The following NTM variants were observed in gnomAD, a reference collection of about 807,000 sequenced individuals.
NTM encodes the protein neurotrimin, also known as IgLON family member 2.
In NTM, 13 loss-of-function variants were observed where a neutral mutation model predicts 42.1. The ratio of observed to expected loss-of-function variants is 0.31; its 90% CI spans 0.20 to 0.49. The LOEUF is 0.49. Ranked by LOEUF, NTM falls within the 20% of genes least tolerant of loss-of-function variation. The pLI is 0.99. For missense variants in NTM, 373 were observed against 452.8 expected, an observed-to-expected ratio of 0.82 and a Z score of 1.60; for synonymous variants, 187 against 179.2, an observed-to-expected ratio of 1.04 and a Z score of -0.35.
At chr11:131,466,562 T>A (rs57362044) in intron 1 of NTM, among the ~76,000 whole-genome samples, 6,578 of 152,250 alleles carry the variant, frequency 0.043, 457 homozygotes, top group African/African-American at 0.15. Flanking sequence ...CCTTCCTCAG[T>A]TTCTCTTTGA....
intron 1 of NTM, among the ~76,000 whole-genome samples, chr11:131,631,235 T>C (rs2063626632): frequency 6.6e-6 from 1 of 152,174 alleles, no homozygotes; most frequent in Non-Finnish European, 1.5e-5. Context: ...TATGGGACAA[T>C]GTATGAAAAG....
At chr11:131,960,178 C>A (rs2061996786) in intron 2 of NTM, among the ~76,000 whole-genome samples, 1 of 152,180 alleles carries the variant, frequency 6.6e-6, no homozygotes, top group Admixed American at 6.5e-5. Flanking sequence ...TACTTCCACA[C>A]AAGAAGTACA....
intron 1 of NTM, among the ~76,000 whole-genome samples, chr11:131,728,933 C>G (rs910786627): frequency 1.3e-5 from 2 of 152,082 alleles, no homozygotes; most frequent in African/African-American, 2.4e-5. Flanking sequence ...AGTTGTATGT[C>G]AGGAAACAGG....
At chr11:131,652,910 C>A (rs956448046) in intron 1 of NTM, among the ~76,000 whole-genome samples, 1 of 152,230 alleles carries the variant, frequency 6.6e-6, no homozygotes, top group Non-Finnish European at 1.5e-5. Context: ...ACTTGGAATG[C>A]AACCTGCACA....
intron 1 of NTM, among the ~76,000 whole-genome samples, chr11:131,907,310 C>G (rs976032931): frequency 1.3e-5 from 2 of 152,220 alleles, no homozygotes; most frequent in Admixed American, 6.5e-5. Flanking sequence ...GAGTTCTTCT[C>G]TGTTCCAGCC....
chr11:131,933,881 TG>T (rs902300074), intron 2 of NTM, among the ~76,000 whole-genome samples: 2 of 151,770 alleles, frequency 1.3e-5, no homozygotes, highest in East Asian at 1.9e-4. Flanking sequence ...TCTTTTTTTC[TG>T]GGGGGGGATG....
intron 1 of NTM, among the ~76,000 whole-genome samples, chr11:131,376,086 A>G (rs1195427594): frequency 6.6e-6 from 1 of 152,140 alleles, no homozygotes; most frequent in Non-Finnish European, 1.5e-5. Flanking sequence ...GCTCTGCTTC[A>G]TGCAGGCTTG....
intron 1 of NTM, among the ~76,000 whole-genome samples, chr11:131,672,785 C>T (rs1447912006): frequency 6.6e-6 from 1 of 151,378 alleles, no homozygotes; most frequent in Non-Finnish European, 1.5e-5. Context: ...TCTTTCTGGC[C>T]TTCAAAAGAA....
intron 2 of NTM, among the ~76,000 whole-genome samples, chr11:131,950,606 G>A (rs2060872917): frequency 6.6e-6 from 1 of 152,132 alleles, no homozygotes; most frequent in Non-Finnish European, 1.5e-5. Flanking sequence ...TTGGCCAATG[G>A]ATGGTACTTC....
At chr11:132,060,418 G>A (rs1055635236) in intron 2 of NTM, among the ~76,000 whole-genome samples, 4 of 152,150 alleles carry the variant, frequency 2.6e-5, no homozygotes, top group African/African-American at 9.7e-5. Context: ...AATTTTGATT[G>A]TTACTGCGCT....
chr11:132,122,391 C>A lies in NTM; in HGVS notation c.168-23891C>A, dbSNP rs867458229. Among the ~76,000 whole-genome samples, 8 of 152,314 alleles carry A rather than the reference C, an allele frequency of 5.3e-5. No individual in the cohort carries two copies. In the South Asian group the frequency reaches 1.5e-3, roughly 28 times the overall value. Reference sequence around the variant, plus strand: ...GGTTTTATTTCAACAACTCTGTAGTCAGCAAATCGGCCTCCCCTGGGGCTG... The same window carrying A: ...GGTTTTATTTCAACAACTCTGTAGTAAGCAAATCGGCCTCCCCTGGGGCTG... On this transcript the variant is annotated intron_variant, in intron 2 of 8. Transcript: ENST00000683400.
At chr11:132,159,746 A>C (rs377413278) in intron 3 of NTM, among the ~76,000 whole-genome samples, 11 of 152,206 alleles carry the variant, frequency 7.2e-5, no homozygotes, top group African/African-American at 2.4e-4. Context: ...ACCACTCCAC[A>C]GACCCACCGA....
At chr11:132,198,711 T>C (rs773705486) in intron 3 of NTM, among the ~76,000 whole-genome samples, 12 of 152,170 alleles carry the variant, frequency 7.9e-5, no homozygotes, top group Non-Finnish European at 1.2e-4. Flanking sequence ...TACTGAATAT[T>C]AATCCATTCA....
At chr11:132,330,625 G>A (rs760856145) in intron 8 of NTM, among the ~76,000 whole-genome samples, 1 of 152,196 alleles carries the variant, frequency 6.6e-6, no homozygotes, top group Non-Finnish European at 1.5e-5. Context: ...AAGATGGGAG[G>A]AAGGGGGAGG....
chr11:131,734,674 CCTTTG>C (rs1171524865), intron 1 of NTM, among the ~76,000 whole-genome samples: 1 of 152,092 alleles, frequency 6.6e-6, no homozygotes, highest in Non-Finnish European at 1.5e-5. Context: ...CAGCTCTTCC[CCTTTG>C]CTTTACTCCA....
intron 2 of NTM, among the ~76,000 whole-genome samples, chr11:131,912,273 G>A (rs75522213): frequency 3.9e-5 from 6 of 152,158 alleles, no homozygotes; most frequent in South Asian, 2.1e-4. Context: ...GTGGAAAATG[G>A]CATTTACTGT....
intron 2 of NTM, among the ~76,000 whole-genome samples, chr11:131,922,986 C>T (rs1312104916): frequency 6.6e-6 from 1 of 152,094 alleles, no homozygotes; most frequent in East Asian, 1.9e-4. Context: ...AATGTTCTTC[C>T]CTCTCTCAGG....
intron 1 of NTM, among the ~76,000 whole-genome samples, chr11:131,575,477 A>C (rs2137125893): frequency 6.6e-6 from 1 of 152,204 alleles, no homozygotes; most frequent in Non-Finnish European, 1.5e-5. Flanking sequence ...TCTTTCCAAT[A>C]GGACATCTAA....
At chr11:131,944,061 TTTTTC>T (rs1364121960) in intron 2 of NTM, among the ~76,000 whole-genome samples, 1 of 152,238 alleles carries the variant, frequency 6.6e-6, no homozygotes, top group Non-Finnish European at 1.5e-5. Flanking sequence ...AAACATTTTT[TTTTTC>T]TTTTCTGTGA....
Sources: allele counts gnomAD v4.1 joint callset (sites outside exome capture counted in the v4.1 genomes callset), GRCh38; gene constraint gnomAD v4.1.1; transcripts MANE v1.5; gene names NCBI Gene and HGNC (gene_info 2026-07-23, HGNC 2026-07-21).